PSMC3: variants seen among roughly 807,000 people sequenced by gnomAD.
PSMC3 encodes proteasome 26S subunit, ATPase 3.
Under a neutral mutation model 52.0 loss-of-function variants are expected in PSMC3, and 11 were observed. The ratio of observed to expected loss-of-function variants is 0.21; its 90% CI spans 0.13 to 0.35. The LOEUF is 0.35. Among genes scored for constraint, PSMC3 ranks in the 10% least tolerant of loss-of-function variants. PSMC3 has a pLI of 1.00. For missense variants in PSMC3, 238 were observed against 567.1 expected, an observed-to-expected ratio of 0.42 and a Z score of 5.89; for synonymous variants, 201 against 218.8, an observed-to-expected ratio of 0.92 and a Z score of 0.72.
At chr11:47,425,306 C>T (rs1008645807) in intron 2 of PSMC3, 60 bp from the exon 3 acceptor site, 1 of 1,604,196 alleles carries the variant, frequency 6.2e-7, no homozygotes, top group East Asian at 2.2e-5. Flanking sequence ...TGCTAGAGCC[C>T]TGTAACTAGT....
Position 47,425,373 on chromosome 11 carries a change from T to C in PSMC3, c.160-127A>G, listed in dbSNP as rs2096045194. 3 of 1,195,740 alleles carry C rather than the reference T, an allele frequency of 2.5e-6. No individual in the cohort carries two copies. In the African/African-American group the frequency reaches 4.5e-5, roughly 18 times the overall value. 74.1% of individuals were successfully genotyped at this position (1,195,740 alleles called of 1,614,324 possible). A position where few individuals can be genotyped will look rare whatever the true frequency, so the allele number is the denominator to read the frequency against. ...ATCCATTCATCCAGCTCTGAGGCTC[T>C]CTGAAGGCAGAGTCTGACTGTGTCC... On this transcript the variant is annotated intron_variant, in intron 2 of 11. Coordinates refer to ENST00000298852, the MANE Select transcript of PSMC3 (RefSeq NM_002804.5).
chr11:47,426,020 C>A, intron 1 of PSMC3, 70 bp from the exon 2 acceptor site: 8 of 1,476,458 alleles, frequency 5.4e-6, no homozygotes, highest in Non-Finnish European at 7.5e-6. Flanking sequence ...TTCTCCGAAC[C>A]CACTCACAGC....
At chr11:47,419,320 C>A in intron 10 of PSMC3, 123 bp from the exon 11 acceptor site, 1 of 949,538 alleles carries the variant, frequency 1.1e-6, no homozygotes, top group Non-Finnish European at 1.7e-6. Flanking sequence ...AGGCAAGTCC[C>A]TTACTCAATG....
In PSMC3 at chr11:47,424,507, A is replaced by AG. The variant is rs2096044193; in HGVS notation, c.391-17dup. 6.2e-7 allele frequency: 1 copy of AG among 1,613,888 alleles called. No homozygotes were observed. Among genetic ancestry groups the AG allele is most frequent in the Non-Finnish European group, 8.5e-7 (1 of 1,179,770 alleles). On this transcript the variant is annotated splice_polypyrimidine_tract_variant and intron_variant, in intron 4 of 11. Coordinates refer to ENST00000298852, the MANE Select transcript of PSMC3 (RefSeq NM_002804.5). This position sits in a 1 kb window ranked among gnomAD's most constrained non-coding sequence, Gnocchi z 4.8. ...GGAAGTACGTCTGTGGACAAGTTACAGGGGCAGTCTCAGTTAGTGTCCTCA... is the reference window on the plus strand; with the variant it reads ...GGAAGTACGTCTGTGGACAAGTTACAGGGGGCAGTCTCAGTTAGTGTCCTCA...
At chr11:47,423,058 A>C (rs1254619770) in intron 6 of PSMC3, 85 bp from the exon 7 acceptor site, 8 of 1,362,410 alleles carry the variant, frequency 5.9e-6, no homozygotes. Flanking sequence ...CCCAATCTGC[A>C]TCCCTCCTAC....
chr11:47,425,896 G>C lies in PSMC3; in HGVS notation c.130C>G (p.Arg44Gly). The change falls in exon 2 of 12, where the codon CGC (arginine) becomes GGC (glycine). Residue 44 changes from arginine (R) to glycine (G), a missense_variant. Coordinates refer to ENST00000298852, the MANE Select transcript of PSMC3 (RefSeq NM_002804.5). ...ATCTCACTGTCCAGCAGCCGTGTGCGCTGGATGATCTCCTCCGTGGACATC... is the reference window on the plus strand; with the variant it reads ...ATCTCACTGTCCAGCAGCCGTGTGCCCTGGATGATCTCCTCCGTGGACATC... ...LKMSTEEIIQ[R>G]TRLLDSEIKI... The C allele has an allele frequency of 6.2e-7, 1 of 1,614,028 alleles. No homozygotes were observed. The highest frequency in any genetic ancestry group is 8.5e-7 in the Non-Finnish European group (1 of 1,179,916).
Position 47,425,749 on chromosome 11 carries a change from G to T in PSMC3, c.159+118C>A, listed in dbSNP as rs946775614. The T allele has an allele frequency of 1.3e-4, 109 of 826,606 alleles. 1 individual carries two copies. The highest frequency in any genetic ancestry group is 2.4e-4 in the Middle Eastern group (1 of 4,228). 51.2% of individuals were successfully genotyped at this position (826,606 alleles called of 1,614,324 possible). The stretch of plus-strand genomic sequence containing the variant: ...TTTCCTCTCTTCCTGATATGAGGGG[G>T]AAGCCCGAGCCCCATGTCTCCCCCA... On this transcript the variant is annotated intron_variant, in intron 2 of 11. Coordinates refer to ENST00000298852, the MANE Select transcript of PSMC3 (RefSeq NM_002804.5).
Position 47,420,745 on chromosome 11 carries a change from C to T in PSMC3, c.885-18G>A, listed in dbSNP as rs771020616. 1.2e-5 allele frequency: 19 copies of T among 1,552,248 alleles called. No homozygotes were observed. In the East Asian group the frequency reaches 4.4e-4, roughly 36 times the overall value. On this transcript the variant is annotated intron_variant, in intron 8 of 11. Coordinates refer to ENST00000298852, the MANE Select transcript of PSMC3 (RefSeq NM_002804.5). ...TGTCAAAGCTAGGGCACAGGAAGCC[C>T]GAGATGCTGGTGAGGGCACAGCTTA...
At chr11:47,419,752 G>A (rs942671099) in intron 10 of PSMC3, among the ~76,000 whole-genome samples, 5 of 151,950 alleles carry the variant, frequency 3.3e-5, no homozygotes, top group Non-Finnish European at 7.4e-5. Context: ...CCAGCTACTC[G>A]GGAGGCTGAG....
At position 47,420,466 on chromosome 11, in the gene PSMC3, C is replaced by T. The variant is rs368159189; in HGVS notation, c.982-57G>A. 7.3e-5 allele frequency: 116 copies of T among 1,579,442 alleles called. No individual in the cohort carries two copies. The Middle Eastern group carries it at 8.5e-4, about 12-fold the overall frequency. On this transcript the variant is annotated intron_variant, in intron 9 of 11. Transcript: ENST00000298852. ...CAAGGTGTTCACAGATGGGCAGACA[C>T]GGTCAAAAAAGGCAGAGAGGCAGCC...
rs1418857022 is a variant in PSMC3, at chr11:47,426,313, CG to C, written c.-35del. ...GGAGCGGGCAGAAGATGGGACCAGG[CG>C]GGAGCCGCAACGGGAGATTAATACC... On this transcript the variant is annotated 5_prime_UTR_variant, in exon 1 of 12. Transcript: ENST00000298852. The C allele has an allele frequency of 1.3e-6, 2 of 1,521,432 alleles. No individual in the cohort carries two copies. Among genetic ancestry groups the C allele is most frequent in the South Asian group, 2.4e-5 (2 of 82,848 alleles). 94.2% of individuals were successfully genotyped at this position (1,521,432 alleles called of 1,614,324 possible).
At chr11:47,423,472 G>C (rs1230326509) in intron 6 of PSMC3, among the ~76,000 whole-genome samples, 2 of 151,648 alleles carry the variant, frequency 1.3e-5, no homozygotes, top group South Asian at 4.1e-4. Context: ...CTCCAGGAAC[G>C]GGAGTATATG....
rs1267089538 is a variant in PSMC3, at chr11:47,420,736, C to T, written c.885-9G>A. ...CCTTCTCACTGTCAAAGCTAGGGCA[C>T]AGGAAGCCCGAGATGCTGGTGAGGG... On this transcript the variant is annotated splice_polypyrimidine_tract_variant and intron_variant, in intron 8 of 11. Coordinates refer to ENST00000298852, the MANE Select transcript of PSMC3 (RefSeq NM_002804.5). 6.4e-7 allele frequency: 1 copy of T among 1,554,866 alleles called. No homozygotes were observed. Among genetic ancestry groups the T allele is most frequent in the Non-Finnish European group, 8.7e-7 (1 of 1,148,708 alleles).
At position 47,418,795 on chromosome 11, in the gene PSMC3, T is replaced by G. The variant is rs760644726; in HGVS notation, c.*40A>C. The stretch of plus-strand genomic sequence containing the variant: ...GCAGGGACCCTAAACCATCTTTTAT[T>G]GCGCACTTCAGCCGTGAGACTGGGG... On this transcript the variant is annotated 3_prime_UTR_variant, in exon 12 of 12. Coordinates refer to ENST00000298852, the MANE Select transcript of PSMC3 (RefSeq NM_002804.5). The G allele has an allele frequency of 1.9e-6, 3 of 1,564,288 alleles. No homozygotes were observed. Among genetic ancestry groups the G allele is most frequent in the South Asian group, 1.1e-5 (1 of 89,594 alleles).
rs141648005 is a variant in PSMC3, at chr11:47,422,994, G to C, written c.592-21C>G. 62 of 1,594,786 alleles carry C rather than the reference G, an allele frequency of 3.9e-5. No individual in the cohort carries two copies. The African/African-American group carries it at 7.8e-4, about 20-fold the overall frequency. ...ACCAGCTGCCAGGAGGAAGTCCTGG[G>C]TGAGGAGATGAAGCCCTGAGGGCTT... On this transcript the variant is annotated intron_variant, in intron 6 of 11. Transcript: ENST00000298852. The surrounding 1 kb of genome is among the most constrained non-coding windows in gnomAD (Gnocchi z 4.3).
chr11:47,419,035 C>T, intron 11 of PSMC3, 81 bp downstream of exon 11: 1 of 1,607,792 alleles, frequency 6.2e-7, no homozygotes, highest in Non-Finnish European at 8.5e-7. Context: ...CAGCCGTCTC[C>T]ACCAGCCAAA....
intron 2 of PSMC3, 111 bp from the exon 3 acceptor site, chr11:47,425,357 T>A (rs2096045173): frequency 7.4e-6 from 10 of 1,353,482 alleles, no homozygotes; most frequent in Non-Finnish European, 1.0e-5. Context: ...CATCCATTCA[T>A]CCAGCTCTGA....
chr11:47,419,683 C>A (rs1439357947), intron 10 of PSMC3, among the ~76,000 whole-genome samples: 1 of 152,100 alleles, frequency 6.6e-6, no homozygotes, highest in African/African-American at 2.4e-5. Context: ...CAAGGTGAAA[C>A]CTCGTCTCTA....
At position 47,426,322 on chromosome 11, in the gene PSMC3, C is replaced by A; in HGVS notation, c.-43G>T. ...AGAAGATGGGACCAGGCGGGAGCCGCAACGGGAGATTAATACCGTCTTTCT... is the reference window on the plus strand; with the variant it reads ...AGAAGATGGGACCAGGCGGGAGCCGAAACGGGAGATTAATACCGTCTTTCT... On this transcript the variant is annotated 5_prime_UTR_variant, in exon 1 of 12. Transcript: ENST00000298852. 6.7e-7 allele frequency: 1 copy of A among 1,493,004 alleles called. No individual in the cohort carries two copies. The highest frequency in any genetic ancestry group is 9.1e-7 in the Non-Finnish European group (1 of 1,100,400). The allele number at this position is 1,493,004 out of a possible 1,614,324, so 92.5% of individuals were successfully genotyped here. A position where few individuals can be genotyped will look rare whatever the true frequency, so the allele number is the denominator to read the frequency against.
Sources: allele counts gnomAD v4.1 joint callset (sites outside exome capture counted in the v4.1 genomes callset), GRCh38; gene constraint gnomAD v4.1.1; non-coding constraint Gnocchi (gnomAD v3.1); transcripts MANE v1.5; gene names NCBI Gene and HGNC (gene_info 2026-07-23, HGNC 2026-07-21).